Variants in SLC35D2 observed in about 807,000 individuals in gnomAD.
SLC35D2 encodes the protein nucleotide sugar transporter SLC35D2.
A neutral mutation model predicts 41.8 loss-of-function variants in SLC35D2; 43 were observed. The observed-to-expected ratio is 1.03, with a 90% CI of 0.81 to 1.33. The LOEUF (loss-of-function observed/expected upper bound fraction) is 1.33, where lower values mean the gene tolerates loss of function less well. Among genes scored for constraint, SLC35D2 ranks in the 40% most tolerant of loss-of-function variants. SLC35D2 has a pLI of 0.00. For synonymous variants in SLC35D2, 150 were observed against 163.9 expected (o/e 0.92, Z 0.65); for missense variants, 380 against 408.4 (o/e 0.93, Z 0.60).
intron 3 of SLC35D2, among the ~76,000 whole-genome samples, chr9:96,363,264 G>A (rs1331716861): frequency 1.3e-5 from 2 of 151,380 alleles, no homozygotes; most frequent in East Asian, 3.9e-4. Flanking sequence ...ATCTCCCCGA[G>A]TCACTGGGAT....
At chr9:96,322,962 G>A (rs953281347) in intron 10 of SLC35D2, among the ~76,000 whole-genome samples, 5 of 151,374 alleles carry the variant, frequency 3.3e-5, no homozygotes, top group South Asian at 2.1e-4. Context: ...CAGGTGATCC[G>A]CCTGCCTTGG....
At position 96,345,404 on chromosome 9, in the gene SLC35D2, G is replaced by C; in HGVS notation, c.489-3C>G. ...CTAAGTTAAAAGCAAGGTCAGACCT[G>C]GGAGGGAGACCACAAAGGGAGAATG... On this transcript the variant is annotated splice_region_variant and splice_polypyrimidine_tract_variant and intron_variant, in intron 6 of 11. Coordinates refer to ENST00000253270, the MANE Select transcript of SLC35D2 (RefSeq NM_007001.3). The C allele has an allele frequency of 6.6e-7, 1 of 1,525,260 alleles. No homozygotes were observed. Among genetic ancestry groups the C allele is most frequent in the Middle Eastern group, 1.7e-4 (1 of 5,906 alleles). The allele number at this position is 1,525,260 out of a possible 1,614,324, so 94.5% of individuals were successfully genotyped here.
downstream of SLC35D2, among the ~76,000 whole-genome samples, chr9:96,316,631 C>T (rs1828060112): frequency 6.6e-6 from 1 of 152,126 alleles, no homozygotes; most frequent in South Asian, 2.1e-4. Flanking sequence ...CCCAAGTTAC[C>T]AATGCCACTT....
rs369067916 is a variant in SLC35D2 at position 96,364,445 on chromosome 9, C to T, written c.279+19G>A. On this transcript the variant is annotated intron_variant, in intron 3 of 11. Coordinates refer to ENST00000253270, the MANE Select transcript of SLC35D2 (RefSeq NM_007001.3). ...TTTCACATCTTCTATCACAGTCATA[C>T]ATACTTTTCATTACTTACCTTTACA... 1.0e-5 allele frequency: 14 copies of T among 1,376,624 alleles called. No individual in the cohort carries two copies. The highest frequency in any genetic ancestry group is 1.4e-5 in the African/African-American group (1 of 70,068). 85.3% of individuals were successfully genotyped at this position (1,376,624 alleles called of 1,614,324 possible).
intron 1 of SLC35D2, among the ~76,000 whole-genome samples, chr9:96,374,855 A>C (rs1175708383): frequency 5.9e-5 from 9 of 152,012 alleles, no homozygotes. Flanking sequence ...AAAAAAAAAA[A>C]AAAATTCATT....
chr9:96,336,402 A>G lies in SLC35D2; in HGVS notation c.752+315T>C, dbSNP rs148006135. 5.3e-3 allele frequency among the ~76,000 whole-genome samples: 812 copies of G among 152,304 alleles called. 9 individuals are homozygous for G. Among genetic ancestry groups the G allele is most frequent in the African/African-American group, 0.018 (748 of 41,564 alleles). Reference sequence around the variant, plus strand: ...AAAAAACAAAAACCAAAAAATCCTCAGCATTGAACTTGAAATGTCAGCTGA... The same window carrying G: ...AAAAAACAAAAACCAAAAAATCCTCGGCATTGAACTTGAAATGTCAGCTGA... On this transcript the variant is annotated intron_variant, in intron 9 of 11. Coordinates refer to ENST00000253270, the MANE Select transcript of SLC35D2 (RefSeq NM_007001.3).
intron 1 of SLC35D2, among the ~76,000 whole-genome samples, 197 bp from the exon 2 acceptor site, chr9:96,368,502 G>A (rs769544142): frequency 6.6e-6 from 1 of 150,528 alleles, no homozygotes; most frequent in Admixed American, 6.6e-5. Context: ...ATGCAGTGGT[G>A]TAAACATGGC....
At chr9:96,332,899 C>T (rs13301443) in intron 9 of SLC35D2, among the ~76,000 whole-genome samples, 3,971 of 148,762 alleles carry the variant, frequency 0.027, 79 homozygotes, top group Middle Eastern at 0.057. Flanking sequence ...TACACCTTTG[C>T]GAATTTTTTT....
intron 1 of SLC35D2, among the ~76,000 whole-genome samples, chr9:96,379,230 C>T (rs1159299606): frequency 1.3e-5 from 2 of 151,756 alleles, no homozygotes; most frequent in Non-Finnish European, 2.9e-5. Flanking sequence ...TCACTTGAGC[C>T]CAGGAGGTAG....
intron 5 of SLC35D2, 63 bp from the exon 6 acceptor site, chr9:96,351,234 A>G: frequency 4.2e-6 from 5 of 1,187,154 alleles, no homozygotes; most frequent in Non-Finnish European, 6.2e-6. Context: ...AAATATGATT[A>G]TATTTTTTAA....
intron 10 of SLC35D2, among the ~76,000 whole-genome samples, chr9:96,323,008 T>A (rs1828325802): frequency 6.6e-6 from 1 of 150,966 alleles, no homozygotes. Context: ...CATAAGCCAC[T>A]GTGCCTGGTT....
intron 7 of SLC35D2, 136 bp from the exon 8 acceptor site, chr9:96,344,132 C>A: frequency 1.8e-6 from 1 of 541,000 alleles, no homozygotes; most frequent in Non-Finnish European, 3.2e-6. Context: ...ATATTTTCAG[C>A]AAATTTCTGA....
At chr9:96,353,503 G>A (rs35448532) in intron 4 of SLC35D2, among the ~76,000 whole-genome samples, 3,991 of 152,040 alleles carry the variant, frequency 0.026, 77 homozygotes, top group Middle Eastern at 0.054. Flanking sequence ...ACACTACCAC[G>A]CCCAGCTAAT....
chr9:96,356,413 G>A (rs1221998446), intron 4 of SLC35D2, among the ~76,000 whole-genome samples: 1 of 102,900 alleles, frequency 9.7e-6, no homozygotes, highest in Non-Finnish European at 1.9e-5. Context: ...TGCAGAAATT[G>A]ACAAGCTAAT....
chr9:96,329,570 C>A (rs1294503671), intron 9 of SLC35D2, among the ~76,000 whole-genome samples: 1 of 152,174 alleles, frequency 6.6e-6, no homozygotes, highest in Non-Finnish European at 1.5e-5. Context: ...CATCTATGAT[C>A]TTCAAAACAC....
intron 1 of SLC35D2, among the ~76,000 whole-genome samples, chr9:96,370,974 T>C (rs1249057665): frequency 6.6e-6 from 1 of 152,112 alleles, no homozygotes; most frequent in African/African-American, 2.4e-5. Context: ...TGGCGACTGC[T>C]GAAAATGGAA....
intron 9 of SLC35D2, among the ~76,000 whole-genome samples, chr9:96,330,209 T>C (rs1191972850): frequency 6.6e-6 from 1 of 152,228 alleles, no homozygotes; most frequent in Non-Finnish European, 1.5e-5. Context: ...GATCTCTCCA[T>C]GCCCATGGCC....
chr9:96,350,122 T>C (rs1253879303), intron 6 of SLC35D2, among the ~76,000 whole-genome samples: 3 of 152,028 alleles, frequency 2.0e-5, no homozygotes, highest in Admixed American at 2.0e-4. Flanking sequence ...ACGTAAGTAA[T>C]AAACCTTAGT....
intron 9 of SLC35D2, 112 bp from the exon 10 acceptor site, chr9:96,324,281 AAC>A: frequency 1.4e-6 from 1 of 734,008 alleles, no homozygotes; most frequent in South Asian, 2.1e-5. Flanking sequence ...AGAAAAAAGA[AAC>A]ACATATCATA....
Sources: allele counts gnomAD v4.1 joint callset (sites outside exome capture counted in the v4.1 genomes callset), GRCh38; gene constraint gnomAD v4.1.1; transcripts MANE v1.5; gene names NCBI Gene and HGNC (gene_info 2026-07-23, HGNC 2026-07-21).